Variants in HCN1 observed in about 807,000 individuals in gnomAD.
HCN1 encodes hyperpolarization activated cyclic nucleotide gated potassium channel 1, also known as potassium/sodium hyperpolarization-activated cyclic nucleotide-gated channel 1.
Under a neutral mutation model 78.9 loss-of-function variants are expected in HCN1, and 13 were observed. That is an observed-to-expected ratio of 0.16 (90% CI 0.11 to 0.26). The LOEUF is 0.26. HCN1 is among the 10% of genes least tolerant of loss of function. The pLI, the probability that HCN1 is intolerant of heterozygous loss-of-function variation, is 1.00. For missense variants in HCN1, 810 were observed against 1,154.3 expected (o/e 0.70, Z 4.32); for synonymous variants, 552 against 455.5 (o/e 1.21, Z -2.70).
At chr5:45,327,649 T>G (rs1459887618) in intron 5 of HCN1, among the ~76,000 whole-genome samples, 1 of 151,650 alleles carries the variant, frequency 6.6e-6, no homozygotes, top group East Asian at 1.9e-4. Flanking sequence ...TTGAAGCAAC[T>G]GTACCTGAGA....
Position 45,261,883 on chromosome 5 carries a change from A to G in HCN1, c.*38T>C, listed in dbSNP as rs1050840187. 2.4e-5 allele frequency: 39 copies of G among 1,611,350 alleles called. No individual in the cohort carries two copies. Among genetic ancestry groups the G allele is most frequent in the Middle Eastern group, 1.6e-4 (1 of 6,078 alleles). On this transcript the variant is annotated 3_prime_UTR_variant, in exon 8 of 8. Coordinates refer to ENST00000303230, the MANE Select transcript of HCN1 (RefSeq NM_021072.4). ...TAAGATCTGAGTATAGTCTCAGTTT[A>G]TGAGAGTATTTCTTTCTGCTTTGAC...
intron 2 of HCN1, among the ~76,000 whole-genome samples, chr5:45,596,202 C>T (rs1175284039): frequency 1.3e-5 from 2 of 152,076 alleles, no homozygotes; most frequent in Admixed American, 1.3e-4. Context: ...CCAGCCCGGA[C>T]TTATGATATT....
chr5:45,591,868 A>G (rs1744371622), intron 2 of HCN1, among the ~76,000 whole-genome samples: 1 of 152,174 alleles, frequency 6.6e-6, no homozygotes, highest in African/African-American at 2.4e-5. Flanking sequence ...CACTGAATCC[A>G]AGATTATCTA....
intron 3 of HCN1, among the ~76,000 whole-genome samples, chr5:45,446,188 C>A (rs2111583483): frequency 6.6e-6 from 1 of 152,170 alleles, no homozygotes; most frequent in Non-Finnish European, 1.5e-5. Context: ...CAGAGAAGTG[C>A]TTAAAGGAGC....
chr5:45,555,288 T>C (rs1743448040), intron 2 of HCN1, among the ~76,000 whole-genome samples: 1 of 151,850 alleles, frequency 6.6e-6, no homozygotes, highest in African/African-American at 2.4e-5. Flanking sequence ...TAATCCCATT[T>C]ACACTTGCTA....
intron 4 of HCN1, among the ~76,000 whole-genome samples, chr5:45,372,095 A>G (rs1579847512): frequency 3.5e-5 from 2 of 57,170 alleles, no homozygotes; most frequent in South Asian, 4.7e-4. Context: ...AATTATATAT[A>G]TATTTTATAT....
intron 2 of HCN1, among the ~76,000 whole-genome samples, chr5:45,485,654 T>C (rs1233825599): frequency 6.6e-6 from 1 of 152,166 alleles, no homozygotes; most frequent in East Asian, 1.9e-4. Flanking sequence ...TATTCACTAC[T>C]TGTAAAAAAA....
chr5:45,496,645 C>CA (rs530227428), intron 2 of HCN1, among the ~76,000 whole-genome samples: 285 of 152,132 alleles, frequency 1.9e-3, no homozygotes, highest in African/African-American at 6.4e-3. Flanking sequence ...TTGATCCTTT[C>CA]AAAAAACCAG....
intron 5 of HCN1, among the ~76,000 whole-genome samples, chr5:45,329,921 G>T (rs751941426): frequency 2.6e-5 from 4 of 151,266 alleles, no homozygotes; most frequent in African/African-American, 2.4e-5. Context: ...TACAGAATAA[G>T]TTGGGGCAGT....
chr5:45,531,011 TG>T (rs1207734811), intron 2 of HCN1, among the ~76,000 whole-genome samples: 1 of 151,864 alleles, frequency 6.6e-6, no homozygotes, highest in Non-Finnish European at 1.5e-5. Context: ...CCAAGAAATA[TG>T]GGGTGTAGTT....
At chr5:45,276,661 C>T (rs1200135967) in intron 6 of HCN1, among the ~76,000 whole-genome samples, 1 of 152,002 alleles carries the variant, frequency 6.6e-6, no homozygotes, top group East Asian at 1.9e-4. Context: ...CTTATCCTGA[C>T]TGAAAGAGTC....
intron 4 of HCN1, among the ~76,000 whole-genome samples, chr5:45,383,947 C>T (rs919817253): frequency 2.3e-4 from 35 of 152,026 alleles, no homozygotes; most frequent in African/African-American, 8.2e-4. Flanking sequence ...CCTTATACAA[C>T]ATCTGAGAAA....
At chr5:45,604,482 A>T (rs1744687414) in intron 2 of HCN1, among the ~76,000 whole-genome samples, 1 of 151,970 alleles carries the variant, frequency 6.6e-6, no homozygotes, top group African/African-American at 2.4e-5. Flanking sequence ...GTATTGTTAG[A>T]AATTAGGGAG....
intron 4 of HCN1, among the ~76,000 whole-genome samples, chr5:45,375,683 T>A (rs1315370774): frequency 3.6e-5 from 4 of 110,372 alleles, no homozygotes; most frequent in African/African-American, 1.6e-4. Context: ...ATACATATTA[T>A]ATATAAGATC....
rs917373067 is a variant in HCN1 at position 45,258,649 on chromosome 5, C to T, written c.*3272G>A. 2 of 151,982 alleles carry T rather than the reference C, an allele frequency of 1.3e-5. No individual in the cohort carries two copies. The highest frequency in any genetic ancestry group is 6.5e-5 in the Admixed American group (1 of 15,270). The allele number at this position is 151,982 out of a possible 1,614,324, so 9.4% of individuals were successfully genotyped here. A position where few individuals can be genotyped will look rare whatever the true frequency, so the allele number is the denominator to read the frequency against. On this transcript the variant is annotated 3_prime_UTR_variant, in exon 8 of 8. Coordinates refer to ENST00000303230, the MANE Select transcript of HCN1 (RefSeq NM_021072.4). ...TCACTCTCCAAATAACTTTGCAGGGCCCAAGGCTATAAATATGAATATATT... is the reference window on the plus strand; with the variant it reads ...TCACTCTCCAAATAACTTTGCAGGGTCCAAGGCTATAAATATGAATATATT...
rs143276964 is a variant in HCN1 at position 45,477,702 on chromosome 5, G to A, written c.850-15695C>T. Reference sequence around the variant, plus strand: ...AATAACATAAGTAATGTGCAAAAATGTATTGCAAATATATAAGGAAAACAC... The same window carrying A: ...AATAACATAAGTAATGTGCAAAAATATATTGCAAATATATAAGGAAAACAC... On this transcript the variant is annotated intron_variant, in intron 2 of 7. Coordinates refer to ENST00000303230, the MANE Select transcript of HCN1 (RefSeq NM_021072.4). Among the ~76,000 whole-genome samples the A allele has an allele frequency of 1.4e-4, 22 of 152,208 alleles. No homozygotes were observed. In the East Asian group the frequency reaches 3.9e-3, roughly 27 times the overall value.
intron 2 of HCN1, among the ~76,000 whole-genome samples, chr5:45,482,736 G>C (rs2111678585): frequency 6.6e-6 from 1 of 152,158 alleles, no homozygotes; most frequent in East Asian, 1.9e-4. Context: ...AATACCTATA[G>C]GTAGTTTTCA....
intron 2 of HCN1, among the ~76,000 whole-genome samples, chr5:45,556,771 T>C (rs1743478580): frequency 6.6e-6 from 1 of 151,992 alleles, no homozygotes; most frequent in Non-Finnish European, 1.5e-5. Context: ...CTTTCCCCTC[T>C]ATGTTTCTTC....
At chr5:45,373,220 T>TGTACAAA (rs1272175038) in intron 4 of HCN1, among the ~76,000 whole-genome samples, 1 of 122,122 alleles carries the variant, frequency 8.2e-6, no homozygotes, top group East Asian at 2.2e-4. Flanking sequence ...ATGTTATATA[T>TGTACAAA]AATATATATT....
Sources: gnomAD v4.1 joint callset for allele counts (sites outside exome capture counted in the v4.1 genomes callset) on GRCh38, gnomAD v4.1.1 for gene constraint, MANE v1.5 for transcripts, NCBI Gene and HGNC (gene_info 2026-07-23, HGNC 2026-07-21) for gene names.